The following TTF2 variants were observed in gnomAD, a reference collection of about 807,000 sequenced individuals.
TTF2 encodes the protein RNA polymerase II termination factor.
A neutral mutation model predicts 142.4 loss-of-function variants in TTF2; 108 were observed. The ratio of observed to expected loss-of-function variants is 0.76; its 90% confidence interval spans 0.65 to 0.89. The LOEUF is 0.89. TTF2 is among the 40% of genes least tolerant of loss of function. The pLI is 0.00. For synonymous variants in TTF2, 483 were observed against 506.2 expected (o/e 0.95, Z 0.61); for missense variants, 1,327 against 1,379.8 (o/e 0.96, Z 0.61).
intron 3 of TTF2, among the ~76,000 whole-genome samples, chr1:117,067,524 CAAAAAAA>C (rs1161287519): frequency 2.4e-4 from 10 of 40,962 alleles, no homozygotes; most frequent in African/African-American, 8.1e-4. Flanking sequence ...GACTCAGTCT[CAAAAAAA>C]AAAAAAAAAA....
Position 117,087,691 on chromosome 1 carries a change from G to A in TTF2, c.2161-1110G>A, listed in dbSNP as rs1648150093. 6.6e-6 allele frequency among the ~76,000 whole-genome samples: 1 copy of A among 152,090 alleles called. No homozygotes were observed. The highest frequency in any genetic ancestry group is 1.5e-5 in the Non-Finnish European group (1 of 68,006). ...GCACCTCTTGCTCAGTCATACCAAG[G>A]GATCTGTAGTTCCCACCATGCTCTG... is the stretch of plus-strand genomic sequence containing the variant. On this transcript the variant is annotated intron_variant, in intron 12 of 22. Transcript: ENST00000369466. The surrounding 1 kb of genome is among the most constrained non-coding windows in gnomAD (Gnocchi z 4.8).
rs1647380932 is a variant in TTF2, at chr1:117,080,281, G to A, written c.1783+632G>A. Among the ~76,000 whole-genome samples, 1 of 152,036 alleles carries A rather than the reference G, an allele frequency of 6.6e-6. No individual in the cohort carries two copies. The highest frequency in any genetic ancestry group is 6.6e-5 in the Admixed American group (1 of 15,246). On this transcript the variant is annotated intron_variant, in intron 9 of 22. Transcript: ENST00000369466. The surrounding 1 kb of genome is among the most constrained non-coding windows in gnomAD (Gnocchi z 4.3). ...CTGCCTTGGCCTTCCCAAAGTGCTG[G>A]GATTACAGGCATGAGCCACTACACC...
At chr1:117,098,695 T>G (rs1196392814) in intron 21 of TTF2, 138 bp from the exon 22 acceptor site, 21 of 706,386 alleles carry the variant, frequency 3.0e-5, no homozygotes, top group Non-Finnish European at 3.8e-5. Context: ...TGCTTTCTTT[T>G]CTTAAATCCC....
chr1:117,075,822 G>T lies in TTF2; in HGVS notation c.1238G>T (p.Arg413Leu). 1 of 1,613,012 alleles carries T rather than the reference G, an allele frequency of 6.2e-7. No homozygotes were observed. The highest frequency in any genetic ancestry group is 1.1e-5 in the South Asian group (1 of 90,942). Residue 413 changes from arginine to leucine, a missense_variant, in exon 5 of 23, where the codon CGG becomes CTG. Coordinates refer to ENST00000369466, the MANE Select transcript of TTF2 (RefSeq NM_003594.4). This position sits in a 1 kb window ranked among gnomAD's most constrained non-coding sequence, Gnocchi z 4.5. ...KKVEPSDPVA[R>L]RVYLTTQLKQ... The stretch of plus-strand genomic sequence containing the variant: ...GTAGAACCCTCAGACCCAGTAGCCC[G>T]GCGTGTCTACCTTACAACACAACTG...
chr1:117,074,749 A>G (rs1656850945), intron 4 of TTF2, 121 bp from the exon 5 acceptor site: 3 of 944,542 alleles, frequency 3.2e-6, no homozygotes, highest in South Asian at 2.0e-5. Context: ...ATATACTCAT[A>G]TAACAAAGCT....
intron 3 of TTF2, among the ~76,000 whole-genome samples, chr1:117,069,229 C>T (rs1285676250): frequency 6.6e-6 from 1 of 152,116 alleles, no homozygotes; most frequent in Non-Finnish European, 1.5e-5. Context: ...CCCTAAGGAG[C>T]CTTTGACACA....
rs545820800 is a variant in TTF2 at position 117,070,472 on chromosome 1, G to C, written c.219-3189G>C. On this transcript the variant is annotated intron_variant, in intron 3 of 22. Coordinates refer to ENST00000369466, the MANE Select transcript of TTF2 (RefSeq NM_003594.4). The surrounding 1 kb of genome is among the most constrained non-coding windows in gnomAD (Gnocchi z 4.2). ...GTAAAAATACAGTATTATCTCATGG[G>C]ACCACAGTTGTATGTGCCATCCACT... 1.8e-4 allele frequency among the ~76,000 whole-genome samples: 27 copies of C among 152,284 alleles called. No individual in the cohort carries two copies. The highest frequency in any genetic ancestry group is 1.7e-3 in the Admixed American group (26 of 15,308).
At position 117,075,724 on chromosome 1, in the gene TTF2, G is replaced by C. The variant is rs767187811; in HGVS notation, c.1140G>C (p.Thr380=). Residue 380 remains threonine, a synonymous_variant, in exon 5 of 23, where the codon ACG becomes ACC. Coordinates refer to ENST00000369466, the MANE Select transcript of TTF2 (RefSeq NM_003594.4). The surrounding 1 kb of genome is among the most constrained non-coding windows in gnomAD (Gnocchi z 4.5). ...LLFDSTLDLE[T]KENLQFPDRS... The stretch of plus-strand genomic sequence containing the variant: ...TTGACTCGACTCTGGACTTAGAGAC[G>C]AAGGAAAACCTCCAATTCCCTGATC... 6.2e-7 allele frequency: 1 copy of C among 1,614,196 alleles called. No homozygotes were observed. Among genetic ancestry groups the C allele is most frequent in the Non-Finnish European group, 8.5e-7 (1 of 1,180,030 alleles).
chr1:117,075,151 T>G lies in TTF2; in HGVS notation c.567T>G (p.Ser189=). The G allele has an allele frequency of 6.2e-7, 1 of 1,614,060 alleles. No individual in the cohort carries two copies. Among genetic ancestry groups the G allele is most frequent in the Non-Finnish European group, 8.5e-7 (1 of 1,180,022 alleles). The change falls in exon 5 of 23, where the codon TCT becomes TCG. Residue 189 remains serine, a synonymous_variant. Coordinates refer to ENST00000369466, the MANE Select transcript of TTF2 (RefSeq NM_003594.4). The surrounding 1 kb of genome is among the most constrained non-coding windows in gnomAD (Gnocchi z 4.5). ...GCCTGGTACCAAAGAAAAAACAATC[T>G]GTAGTTCAAGAGAAGAAGCAAGAAG... ...SSGLVPKKKQ[S]VVQEKKQEEG... is the part of the protein sequence containing the mutation.
At chr1:117,096,409 C>T in intron 20 of TTF2, 110 bp downstream of exon 20, 3 of 1,390,008 alleles carry the variant, frequency 2.2e-6, no homozygotes, top group Non-Finnish European at 2.9e-6. Flanking sequence ...CGGAGTTTTG[C>T]TCTTGTTGCC....
chr1:117,071,412 C>T (rs1204832252), intron 3 of TTF2, among the ~76,000 whole-genome samples: 1 of 152,078 alleles, frequency 6.6e-6, no homozygotes, highest in African/African-American at 2.4e-5. Flanking sequence ...GCAAGGTATT[C>T]AGCAGTATGT....
chr1:117,081,788 C>T, intron 9 of TTF2, 40 bp from the exon 10 acceptor site: 1 of 1,601,252 alleles, frequency 6.2e-7, no homozygotes, highest in African/African-American at 1.3e-5. Context: ...ATTATTTGCC[C>T]TAAGCAATTA....
At chr1:117,094,364 C>T (rs1380481204) in intron 18 of TTF2, among the ~76,000 whole-genome samples, 1 of 152,176 alleles carries the variant, frequency 6.6e-6, no homozygotes, top group Admixed American at 6.5e-5. Flanking sequence ...CTCCAGCATT[C>T]TGGGGGTGAA....
In TTF2 at chr1:117,075,643, C is replaced by T. The variant is rs751281225; in HGVS notation, c.1059C>T (p.Asp353=). The T allele has an allele frequency of 2.5e-5, 41 of 1,613,988 alleles. 1 individual carries two copies. In the Admixed American group the frequency reaches 3.3e-4, roughly 13 times the overall value. ...EGREAATSSD[D]EEEDDVVFVS... ...GTGAAGCTGCCACAAGCAGTGACGACGAGGAGGAAGATGATGTTGTTTTTG... is the reference window on the plus strand; with the variant it reads ...GTGAAGCTGCCACAAGCAGTGACGATGAGGAGGAAGATGATGTTGTTTTTG... Residue 353 remains aspartate, a synonymous_variant, in exon 5 of 23, where the codon GAC becomes GAT. Transcript: ENST00000369466. The surrounding 1 kb of genome is among the most constrained non-coding windows in gnomAD (Gnocchi z 4.5).
intron 3 of TTF2, 101 bp downstream of exon 3, chr1:117,062,574 C>A: frequency 8.3e-7 from 1 of 1,204,868 alleles, no homozygotes. Context: ...CTTTAAAAGT[C>A]ATTTTAAAAA....
Position 117,090,644 on chromosome 1 carries a change from C to G in TTF2, c.2588+21C>G, listed in dbSNP as rs1365018539. The G allele has an allele frequency of 1.3e-6, 2 of 1,575,986 alleles. No homozygotes were observed. The highest frequency in any genetic ancestry group is 4.5e-5 in the East Asian group (2 of 44,664). Reference sequence around the variant, plus strand: ...TCAAGGTGTGTGTATTAAAGAAGCACCTTCTCACACACATTGTTTTATTCC... The same window carrying G: ...TCAAGGTGTGTGTATTAAAGAAGCAGCTTCTCACACACATTGTTTTATTCC... On this transcript the variant is annotated intron_variant, in intron 15 of 22. Transcript: ENST00000369466. This position sits in a 1 kb window ranked among gnomAD's most constrained non-coding sequence, Gnocchi z 4.8.
chr1:117,106,799 T>C lies in TTF2; in HGVS notation c.*5275T>C, dbSNP rs1401178796. On this transcript the variant is annotated 3_prime_UTR_variant, in exon 23 of 23. Transcript: ENST00000369466. The stretch of plus-strand genomic sequence containing the variant: ...CTGCTTCTAATGAGCATCCACTTCA[T>C]TGAACCACCTCTTCATTGAGCCAAA... 6.6e-6 allele frequency: 1 copy of C among 152,226 alleles called. No individual in the cohort carries two copies. Among genetic ancestry groups the C allele is most frequent in the Non-Finnish European group, 1.5e-5 (1 of 68,044 alleles). The allele number at this position is 152,226 out of a possible 1,614,324, so 9.4% of individuals were successfully genotyped here.
In TTF2 at chr1:117,106,196, T is replaced by TAACTA. The variant is rs1316892671; in HGVS notation, c.*4673_*4677dup. The TAACTA allele has an allele frequency of 6.6e-6, 1 of 150,798 alleles. No individual in the cohort carries two copies. The highest frequency in any genetic ancestry group is 6.6e-5 in the Admixed American group (1 of 15,062). The allele number at this position is 150,798 out of a possible 1,614,324, so 9.3% of individuals were successfully genotyped here. A position where few individuals can be genotyped will look rare whatever the true frequency, so the allele number is the denominator to read the frequency against. Reference sequence around the variant, plus strand: ...TATGACCTAGACTAAAATGTCTTCATAACTACAAATGAAATCAGGGTCATT... The same window carrying TAACTA: ...TATGACCTAGACTAAAATGTCTTCATAACTAAACTACAAATGAAATCAGGGTCATT... On this transcript the variant is annotated 3_prime_UTR_variant, in exon 23 of 23. Transcript: ENST00000369466.
At chr1:117,072,341 TC>T (rs1173471973) in intron 3 of TTF2, among the ~76,000 whole-genome samples, 1 of 151,798 alleles carries the variant, frequency 6.6e-6, no homozygotes, top group Non-Finnish European at 1.5e-5. Context: ...ACCCCGTAAC[TC>T]CTGCCCTATT....
Sources: gnomAD v4.1 joint callset for allele counts (sites outside exome capture counted in the v4.1 genomes callset) on GRCh38, gnomAD v4.1.1 for gene constraint, Gnocchi (gnomAD v3.1) non-coding constraint, MANE v1.5 for transcripts, NCBI Gene and HGNC (gene_info 2026-07-23, HGNC 2026-07-21) for gene names.